The following CDH4 variants were observed in gnomAD, a reference collection of about 807,000 sequenced individuals.
CDH4 encodes the protein cadherin-4.
Under a neutral mutation model 86.0 loss-of-function variants are expected in CDH4, and 33 were observed. The ratio of observed to expected loss-of-function variants is 0.38; its 90% confidence interval spans 0.29 to 0.51. CDH4 has a LOEUF of 0.51. Ranked by LOEUF, CDH4 falls within the 20% of genes least tolerant of loss-of-function variation. CDH4 has a pLI of 0.86. For synonymous variants in CDH4, 555 were observed against 549.4 expected (o/e 1.01, Z -0.14); for missense variants, 1,114 against 1,307.4 (o/e 0.85, Z 2.28).
At position 61,518,310 on chromosome 20, in the gene CDH4, C is replaced by T. The variant is rs2085839617; in HGVS notation, c.170-225253C>T. Among the ~76,000 whole-genome samples, 1 of 152,146 alleles carries T rather than the reference C, an allele frequency of 6.6e-6. No homozygotes were observed. The highest frequency in any genetic ancestry group is 1.5e-5 in the Non-Finnish European group (1 of 68,034). On this transcript the variant is annotated intron_variant, in intron 2 of 15. Coordinates refer to ENST00000614565, the MANE Select transcript of CDH4 (RefSeq NM_001794.5). This position sits in a 1 kb window ranked among gnomAD's most constrained non-coding sequence, Gnocchi z 6.3. ...GAGGACTCCCAGGTGCAGAGATGGG[C>T]TCTTAACCACCTCTTCCCTATGCTA...
intron 2 of CDH4, among the ~76,000 whole-genome samples, chr20:61,578,457 T>A (rs1392072167): frequency 6.6e-6 from 1 of 152,258 alleles, no homozygotes; most frequent in Non-Finnish European, 1.5e-5. Flanking sequence ...CACGTCCCAC[T>A]GGTTGAACTC....
chr20:61,383,177 T>TTATGAATATATTTATA (rs1555844078), intron 2 of CDH4, among the ~76,000 whole-genome samples: 1,841 of 102,346 alleles, frequency 0.018, 337 homozygotes, highest in African/African-American at 0.078. Context: ...ATGAATATAT[T>TTATGAATATATTTATA]TATGAATATA....
At position 61,295,862 on chromosome 20, in the gene CDH4, G is replaced by T. The variant is rs2084349092; in HGVS notation, c.169+40925G>T. 2.0e-5 allele frequency among the ~76,000 whole-genome samples: 3 copies of T among 152,226 alleles called. No homozygotes were observed. In the South Asian group the frequency reaches 6.2e-4, roughly 32 times the overall value. On this transcript the variant is annotated intron_variant, in intron 2 of 15. Coordinates refer to ENST00000614565, the MANE Select transcript of CDH4 (RefSeq NM_001794.5). ...GGGTGTGTCCTGGGGTCCCCGGCCG[G>T]CCGGAAGCAGCTGCCTCCCTCTCTG...
At chr20:61,743,037 G>A (rs1349461394) in intron 2 of CDH4, among the ~76,000 whole-genome samples, 4 of 152,180 alleles carry the variant, frequency 2.6e-5, no homozygotes, top group Admixed American at 1.3e-4. Context: ...CAGCAGAGCC[G>A]AGTTCTGCTG....
intron 2 of CDH4, among the ~76,000 whole-genome samples, chr20:61,456,133 A>G (rs1299442026): frequency 6.6e-6 from 1 of 152,082 alleles, no homozygotes; most frequent in Admixed American, 6.6e-5. Flanking sequence ...GTGGATGGAT[A>G]GATAGGTAGG....
intron 6 of CDH4, among the ~76,000 whole-genome samples, chr20:61,859,325 A>G (rs1485618037): frequency 6.6e-6 from 1 of 152,142 alleles, no homozygotes; most frequent in Non-Finnish European, 1.5e-5. Context: ...GTGGTTTGCA[A>G]ATATTTCTCC....
rs540196715 is a variant in CDH4 at position 61,746,962 on chromosome 20, G to A, written c.396+3173G>A. Among the ~76,000 whole-genome samples the A allele has an allele frequency of 2.2e-4, 33 of 152,302 alleles. No homozygotes were observed. In the South Asian group the frequency reaches 3.1e-3, roughly 14 times the overall value. ...CTCTATAGATGATCAAGGTGACACC[G>A]GATTGCTGGTGTCCTGGCCGCCTGC... On this transcript the variant is annotated intron_variant, in intron 3 of 15. Coordinates refer to ENST00000614565, the MANE Select transcript of CDH4 (RefSeq NM_001794.5).
chr20:61,599,598 G>C (rs558819379), intron 2 of CDH4, among the ~76,000 whole-genome samples: 20 of 152,190 alleles, frequency 1.3e-4, no homozygotes, highest in Non-Finnish European at 2.9e-4. Context: ...ATCAGTGCAG[G>C]AACATTTCAG....
intron 2 of CDH4, among the ~76,000 whole-genome samples, chr20:61,640,851 G>A (rs1600831302): frequency 1.3e-5 from 2 of 152,322 alleles, no homozygotes; most frequent in Middle Eastern, 6.8e-3. Context: ...CTGTCTTTGG[G>A]TGATTCTTGG....
chr20:61,887,400 A>T (rs1230388566), intron 7 of CDH4, among the ~76,000 whole-genome samples: 1 of 152,020 alleles, frequency 6.6e-6, no homozygotes, highest in African/African-American at 2.4e-5. Context: ...ACACACACAC[A>T]CACAACACGC....
intron 4 of CDH4, among the ~76,000 whole-genome samples, chr20:61,777,809 A>G (rs1402312317): frequency 1.4e-5 from 2 of 144,692 alleles, no homozygotes; most frequent in East Asian, 4.0e-4. Context: ...CGTGCATACA[A>G]AAACACACAT....
Position 61,743,919 on chromosome 20 carries a change from G to C in CDH4, c.396+130G>C, listed in dbSNP as rs2088377193. On this transcript the variant is annotated intron_variant, in intron 3 of 15. Transcript: ENST00000614565. The stretch of plus-strand genomic sequence containing the variant: ...CCTCCTCCTCGGGCTGTGCCACTCA[G>C]GCCATTGCCAACCAAGCACCCCTGC... 4.1e-6 allele frequency: 3 copies of C among 729,352 alleles called. No individual in the cohort carries two copies. In the East Asian group the frequency reaches 8.1e-5, roughly 20 times the overall value. The allele number at this position is 729,352 out of a possible 1,614,324, so 45.2% of individuals were successfully genotyped here. A position where few individuals can be genotyped will look rare whatever the true frequency, so the allele number is the denominator to read the frequency against.
intron 9 of CDH4, among the ~76,000 whole-genome samples, chr20:61,921,566 A>G (rs1467667005): frequency 1.3e-5 from 2 of 152,224 alleles, no homozygotes; most frequent in Non-Finnish European, 2.9e-5. Flanking sequence ...AGCCTGGTCA[A>G]CATAGTGAAA....
chr20:61,507,417 C>T (rs1403171587), intron 2 of CDH4, among the ~76,000 whole-genome samples: 1 of 152,082 alleles, frequency 6.6e-6, no homozygotes, highest in Non-Finnish European at 1.5e-5. Context: ...GAGGGTTTTC[C>T]GGGAGCACGG....
In CDH4 at chr20:61,708,066, A is replaced by AC. The variant is rs543578759; in HGVS notation, c.170-35494dup. Among the ~76,000 whole-genome samples the AC allele has an allele frequency of 1.7e-3, 254 of 152,220 alleles. 1 individual carries two copies. Among genetic ancestry groups the AC allele is most frequent in the African/African-American group, 5.7e-3 (236 of 41,548 alleles). ...GGCAGCCCAGCTGGCTGTGCCCTGG[A>AC]CCCAGGACCTGGGCTCTGCTGGGGG... On this transcript the variant is annotated intron_variant, in intron 2 of 15. Transcript: ENST00000614565. The surrounding 1 kb of genome is among the most constrained non-coding windows in gnomAD (Gnocchi z 4.5).
In CDH4 at chr20:61,512,359, A is replaced by G. The variant is rs76527146; in HGVS notation, c.170-231204A>G. On this transcript the variant is annotated intron_variant, in intron 2 of 15. Coordinates refer to ENST00000614565, the MANE Select transcript of CDH4 (RefSeq NM_001794.5). ...AGGCCCGGGAAGGGGATTGTCCCGC[A>G]TGGAAAACAGTGAGACCCGATCATT... Among the ~76,000 whole-genome samples, 1,285 of 152,310 alleles carry G rather than the reference A, an allele frequency of 8.4e-3. 14 individuals are homozygous for G. Among genetic ancestry groups the G allele is most frequent in the African/African-American group, 0.03 (1,239 of 41,558 alleles).
chr20:61,685,439 C>T (rs2087563316), intron 2 of CDH4, among the ~76,000 whole-genome samples: 1 of 152,212 alleles, frequency 6.6e-6, no homozygotes, highest in African/African-American at 2.4e-5. Flanking sequence ...CTTGCTGTAC[C>T]TGCCTCATAA....
chr20:61,709,299 G>C lies in CDH4; in HGVS notation c.170-34264G>C, dbSNP rs114547572. On this transcript the variant is annotated intron_variant, in intron 2 of 15. Coordinates refer to ENST00000614565, the MANE Select transcript of CDH4 (RefSeq NM_001794.5). The surrounding 1 kb of genome is among the most constrained non-coding windows in gnomAD (Gnocchi z 4.8). ...TTATTTATTTATTTATTTTCTGAGA[G>C]CGTCTTGCTCTGTTGCCCAGGCTGT... Among the ~76,000 whole-genome samples, 2,076 of 152,280 alleles carry C rather than the reference G, an allele frequency of 0.014. 35 individuals are homozygous for C. Among genetic ancestry groups the C allele is most frequent in the African/African-American group, 0.046 (1,930 of 41,524 alleles).
intron 2 of CDH4, among the ~76,000 whole-genome samples, chr20:61,720,822 G>T (rs564022234): frequency 2.6e-5 from 4 of 152,082 alleles, no homozygotes; most frequent in Non-Finnish European, 5.9e-5. Context: ...ACATTGAATT[G>T]TCTCAAACAC....
Sources: gnomAD v4.1 joint callset for allele counts (sites outside exome capture counted in the v4.1 genomes callset) on GRCh38, gnomAD v4.1.1 for gene constraint, Gnocchi (gnomAD v3.1) non-coding constraint, MANE v1.5 for transcripts, NCBI Gene and HGNC (gene_info 2026-07-23, HGNC 2026-07-21) for gene names.